Variants in AXL observed in about 807,000 individuals in gnomAD.
AXL encodes AXL receptor tyrosine kinase.
Under a neutral mutation model 104.5 loss-of-function variants are expected in AXL, and 52 were observed. That is an observed-to-expected ratio of 0.50 (90% confidence interval 0.40 to 0.63). The LOEUF (loss-of-function observed/expected upper bound fraction) is 0.63. AXL is among the 20% of genes least tolerant of loss of function. AXL has a pLI of 0.00. For missense variants in AXL, 1,024 were observed against 1,188.5 expected, an observed-to-expected ratio of 0.86 and a Z score of 2.04; for synonymous variants, 455 against 473.7, an observed-to-expected ratio of 0.96 and a Z score of 0.51.
In AXL at chr19:41,259,822, T is replaced by G; in HGVS notation, c.2603T>G (p.Leu868Arg). 1 of 1,614,046 alleles carries G rather than the reference T, an allele frequency of 6.2e-7. No homozygotes were observed. Among genetic ancestry groups the G allele is most frequent in the Non-Finnish European group, 8.5e-7 (1 of 1,179,962 alleles). ...AEVHPAGRYV[L>R]CPSTTPSPAQ... ...GTCCATCCTGCTGGACGCTATGTCC[T>G]CTGCCCTTCCACAACCCCTAGCCCC... Residue 868 changes from leucine to arginine, a missense_variant, in exon 20 of 20, where the codon CTC becomes CGC. Physicochemically the swap from Leu to Arg is moderately radical, Grantham distance 102. Transcript: ENST00000301178.
intron 6 of AXL, among the ~76,000 whole-genome samples, chr19:41,236,632 T>C (rs2034084035): frequency 6.6e-6 from 1 of 151,188 alleles, no homozygotes; most frequent in Admixed American, 6.6e-5. Flanking sequence ...AATACGGCAA[T>C]TAGTCGGGCG....
chr19:41,222,350 C>T (rs182307226), intron 4 of AXL, among the ~76,000 whole-genome samples: 7 of 152,280 alleles, frequency 4.6e-5, no homozygotes, highest in Admixed American at 2.6e-4. Flanking sequence ...CCATTCACCC[C>T]GGCCTCTCTC....
At position 41,254,432 on chromosome 19, in the gene AXL, C is replaced by CCTG. The variant is rs1197882211; in HGVS notation, c.2036+725_2036+727dup. ...AAAGAAAGAAAAAAGAAAATAGTAA[C>CCTG]CTGTAGTCCCAGCCATTCCCAAGGC... On this transcript the variant is annotated intron_variant, in intron 17 of 19. Transcript: ENST00000301178. Among the ~76,000 whole-genome samples the CCTG allele has an allele frequency of 1.1e-4, 16 of 149,496 alleles. No individual in the cohort carries two copies. In the East Asian group the frequency reaches 3.2e-3, roughly 29 times the overall value.
At chr19:41,239,450 T>A in intron 9 of AXL, 136 bp downstream of exon 9, 1 of 1,323,374 alleles carries the variant, frequency 7.6e-7, no homozygotes, top group East Asian at 2.4e-5. Context: ...CTGCCCTCAC[T>A]CCCTTACCCA....
intron 10 of AXL, 36 bp downstream of exon 10, chr19:41,239,756 C>T (rs1244887706): frequency 1.2e-6 from 2 of 1,612,374 alleles, no homozygotes; most frequent in African/African-American, 1.3e-5. Flanking sequence ...TCCTTCCCTA[C>T]CCTCAACACC....
rs537284589 is a variant in AXL, at chr19:41,251,734, AAAAACAAAAACAAAACAAAAC to A, written c.1712-606_1712-586del. ...GTCTCAAAAAATAAAAATAAAAAACAAAAACAAAAACAAAACAAAACAAAACAAAAAACCAATAAAATGGGA... is the reference window on the plus strand; with the variant it reads ...GTCTCAAAAAATAAAAATAAAAAACAAAAACAAAAAACCAATAAAATGGGA... On this transcript the variant is annotated intron_variant, in intron 14 of 19. Coordinates refer to ENST00000301178, the MANE Select transcript of AXL (RefSeq NM_021913.5). Among the ~76,000 whole-genome samples the A allele has an allele frequency of 3.2e-3, 490 of 152,112 alleles. 2 individuals are homozygous for A. The highest frequency in any genetic ancestry group is 5.2e-3 in the Non-Finnish European group (354 of 68,000).
chr19:41,231,961 A>T (rs1265307109), intron 6 of AXL, among the ~76,000 whole-genome samples: 2 of 151,060 alleles, frequency 1.3e-5, no homozygotes, highest in Non-Finnish European at 2.9e-5. Flanking sequence ...AAAAAAATTT[A>T]ACAAAATGAA....
Position 41,259,691 on chromosome 19 carries a change from G to T in AXL, c.2472G>T (p.Met824Ile). 6.2e-7 allele frequency: 1 copy of T among 1,614,096 alleles called. No homozygotes were observed. Among genetic ancestry groups the T allele is most frequent in the Non-Finnish European group, 8.5e-7 (1 of 1,180,026 alleles). ...QEPDEILYVN[M>I]DEGGGYPEPP... ...CTGACGAAATCCTCTATGTCAACAT[G>T]GATGAGGGTGGAGGTTATCCTGAAC... The change falls in exon 20 of 20, where the codon ATG becomes ATT. Residue 824 changes from methionine to isoleucine, a missense_variant. By Grantham distance (10) the Met-to-Ile change is conservative. Transcript: ENST00000301178.
At position 41,258,604 on chromosome 19, in the gene AXL, G is replaced by A. The variant is rs528761802; in HGVS notation, c.2334-949G>A. The stretch of plus-strand genomic sequence containing the variant: ...TAATTTTTTTTGTATTTTTAGTAGA[G>A]ATGGGGTTTCACCACCTTAGCCAGG... On this transcript the variant is annotated intron_variant, in intron 19 of 19. Coordinates refer to ENST00000301178, the MANE Select transcript of AXL (RefSeq NM_021913.5). 1.3e-4 allele frequency among the ~76,000 whole-genome samples: 20 copies of A among 152,238 alleles called. No homozygotes were observed. In the East Asian group the frequency reaches 2.9e-3, roughly 22 times the overall value.
In AXL at chr19:41,221,455, T is replaced by C. The variant is rs2033789721; in HGVS notation, c.409+209T>C. ...TTATGGTGCCAAGGCTGGGGGATTA[T>C]ATGTTCTGGGTGAAAAGACTTCTTG... On this transcript the variant is annotated intron_variant, in intron 3 of 19. Transcript: ENST00000301178. 10 of 549,694 alleles carry C rather than the reference T, an allele frequency of 1.8e-5. 1 individual carries two copies. The South Asian group carries it at 2.5e-4, about 13-fold the overall frequency. The allele number at this position is 549,694 out of a possible 1,614,324, so 34.1% of individuals were successfully genotyped here.
chr19:41,248,079 C>T (rs2034299981), intron 12 of AXL, among the ~76,000 whole-genome samples: 1 of 151,540 alleles, frequency 6.6e-6, no homozygotes, highest in Admixed American at 6.6e-5. Flanking sequence ...TGTGCCACCA[C>T]ACACGGCTAA....
At chr19:41,253,783 G>A (rs535932226) in intron 17 of AXL, 75 bp downstream of exon 17, 184 of 1,232,234 alleles carry the variant, frequency 1.5e-4, no homozygotes, top group Non-Finnish European at 3.3e-5. Flanking sequence ...CTCCTTCTTA[G>A]GATGGAAGCA....
intron 10 of AXL, among the ~76,000 whole-genome samples, chr19:41,242,416 C>G (rs2034199530): frequency 6.7e-6 from 1 of 149,714 alleles, no homozygotes; most frequent in South Asian, 2.1e-4. Flanking sequence ...CTCCACCTCC[C>G]AGGTTCAAGC....
At chr19:41,247,946 G>A (rs1386226823) in intron 12 of AXL, among the ~76,000 whole-genome samples, 4 of 150,376 alleles carry the variant, frequency 2.7e-5, no homozygotes, top group East Asian at 2.0e-4. Context: ...TTTTTGAGAC[G>A]GAGTCTTGCC....
At chr19:41,220,535 G>C in intron 1 of AXL, 101 bp from the exon 2 acceptor site, 1 of 1,011,172 alleles carries the variant, frequency 9.9e-7, no homozygotes, top group South Asian at 1.6e-5. Flanking sequence ...TAAGGGCCTG[G>C]CGGGGTCCTG....
chr19:41,222,950 G>C (rs549509467), intron 4 of AXL, among the ~76,000 whole-genome samples: 2 of 149,380 alleles, frequency 1.3e-5, no homozygotes, highest in East Asian at 4.0e-4. Context: ...GAGAGAGATA[G>C]AATGACATAC....
rs551679142 is a variant in AXL at position 41,226,826 on chromosome 19, T to A, written c.587-4141T>A. ...CTTGGTCCCAGGGCCGGGCACCGAG[T>A]GGCTCTGCCTGCGATCCAGCACTTT... On this transcript the variant is annotated intron_variant, in intron 4 of 19. Transcript: ENST00000301178. 3.5e-5 allele frequency: 34 copies of A among 983,054 alleles called. No homozygotes were observed. The East Asian group carries it at 2.6e-3, about 76-fold the overall frequency. The allele number at this position is 983,054 out of a possible 1,614,324, so 60.9% of individuals were successfully genotyped here.
intron 3 of AXL, 65 bp from the exon 4 acceptor site, chr19:41,221,815 G>A (rs1019985987): frequency 2.3e-5 from 36 of 1,549,280 alleles, no homozygotes; most frequent in Non-Finnish European, 3.0e-5. Context: ...CAGCATCCTA[G>A]TGGTGAGTCA....
At position 41,252,379 on chromosome 19, in the gene AXL, G is replaced by A; in HGVS notation, c.1740G>A (p.Glu580=). 4 of 1,613,910 alleles carry A rather than the reference G, an allele frequency of 2.5e-6. No individual in the cohort carries two copies. Among genetic ancestry groups the A allele is most frequent in the Non-Finnish European group, 3.4e-6 (4 of 1,179,960 alleles). The change falls in exon 15 of 20, where the codon GAG becomes GAA. Residue 580 remains glutamate (E), a synonymous_variant. Coordinates refer to ENST00000301178, the MANE Select transcript of AXL (RefSeq NM_021913.5). Reference sequence around the variant, plus strand: ...CCATCTGCACGAGGTCAGAGCTGGAGGATTTCCTGAGTGAAGCGGTCTGCA... The same window carrying A: ...CCATCTGCACGAGGTCAGAGCTGGAAGATTTCCTGAGTGAAGCGGTCTGCA... ...KIAICTRSEL[E]DFLSEAVCMK...
Sources: allele counts gnomAD v4.1 joint callset (sites outside exome capture counted in the v4.1 genomes callset), GRCh38; gene constraint gnomAD v4.1.1; transcripts MANE v1.5; gene names NCBI Gene and HGNC (gene_info 2026-07-23, HGNC 2026-07-21).